Variants in TTN observed in about 807,000 individuals in gnomAD.
The protein encoded by TTN is connectin.
A neutral mutation model predicts 3,223.0 loss-of-function variants in TTN; 1,525 were observed. The ratio of observed to expected loss-of-function variants is 0.47; its 90% CI spans 0.45 to 0.49. TTN has a LOEUF of 0.49. TTN is among the 20% of genes least tolerant of loss of function. TTN has a pLI of 0.00. For synonymous variants in TTN, 14,094 were observed against 15,161.0 expected (o/e 0.93, Z 5.17); for missense variants, 40,786 against 43,424.0 (o/e 0.94, Z 5.40).
chr2:178,734,432 C>T lies in TTN; in HGVS notation c.15392G>A (p.Cys5131Tyr), dbSNP rs757766582. 2.5e-6 allele frequency: 4 copies of T among 1,613,646 alleles called. No homozygotes were observed. The African/African-American group carries it at 4.0e-5, about 16-fold the overall frequency. ...ACTATTAAACGAAAAGATCTCCAGA[C>T]ACACAAGAGACTTCTGAGAAAACAA... is the stretch of plus-strand genomic sequence containing the variant. Reference protein sequence around the residue: ...YRLFSQKSLVCLEIFSFNSAD... With the variant: ...YRLFSQKSLVYLEIFSFNSAD... The change falls in exon 52 of 363, where the codon TGT becomes TAT. Residue 5131 changes from cysteine to tyrosine, a missense_variant. By Grantham distance (194) the Cys-to-Tyr change is radical. Coordinates refer to ENST00000589042, the MANE Select transcript of TTN (RefSeq NM_001267550.2).
rs377531244 is a variant in TTN at position 178,551,105 on chromosome 2, C to T, written c.91426G>A (p.Val30476Ile). Reference sequence around the variant, plus strand: ...GTAACTGTGTACTGACATTCACTGACGTCAGTAAAGTTGCATCTCACCCAG... The same window carrying T: ...GTAACTGTGTACTGACATTCACTGATGTCAGTAAAGTTGCATCTCACCCAG... ...ERWVRCNFTD[V>I]SECQYTVTGL... Residue 30476 changes from valine to isoleucine, a missense_variant, in exon 336 of 363, where the codon GTC (valine) becomes ATC (isoleucine). Transcript: ENST00000589042. The T allele has an allele frequency of 4.7e-5, 76 of 1,613,312 alleles. No homozygotes were observed. Among genetic ancestry groups the T allele is most frequent in the African/African-American group, 3.6e-4 (27 of 74,860 alleles).
rs1041960114 is a variant in TTN at position 178,558,036 on chromosome 2, T to C, written c.87318A>G (p.Glu29106=). The part of the protein sequence containing the change: ...TAENLTINLK[E]SVTADAGRYE... The stretch of plus-strand genomic sequence containing the variant: ...ATCTCCCAGCGTCAGCTGTAACACT[T>C]TCTTTGAGATTGATGGTCAGGTTCT... The change falls in exon 328 of 363, where the codon GAA becomes GAG. Residue 29106 remains glutamate (E), a synonymous_variant. Transcript: ENST00000589042. 6.2e-7 allele frequency: 1 copy of C among 1,613,826 alleles called. No individual in the cohort carries two copies. The highest frequency in any genetic ancestry group is 1.3e-5 in the African/African-American group (1 of 74,926).
intron 356 of TTN, 86 bp downstream of exon 356, chr2:178,536,852 C>G: frequency 7.9e-7 from 1 of 1,271,620 alleles, no homozygotes; most frequent in Non-Finnish European, 1.1e-6. Flanking sequence ...TTGCTATTTC[C>G]TTTCAAAATT....
In TTN at chr2:178,599,534, C is replaced by G; in HGVS notation, c.56347+20G>C. On this transcript the variant is annotated intron_variant, in intron 289 of 362. Coordinates refer to ENST00000589042, the MANE Select transcript of TTN (RefSeq NM_001267550.2). ...TGAACAGAAAAACAAGTAATTTTAA[C>G]CAAACCATGCAGTCTTTACCCAGGA... 6.6e-7 allele frequency: 1 copy of G among 1,525,644 alleles called. No homozygotes were observed. Among genetic ancestry groups the G allele is most frequent in the Non-Finnish European group, 8.8e-7 (1 of 1,139,648 alleles). The allele number at this position is 1,525,644 out of a possible 1,614,324, so 94.5% of individuals were successfully genotyped here. A position where few individuals can be genotyped will look rare whatever the true frequency, so the allele number is the denominator to read the frequency against.
At position 178,647,429 on chromosome 2, in the gene TTN, C is replaced by A; in HGVS notation, c.40093G>T (p.Glu13365Ter). The change falls in exon 214 of 363, where the codon GAA becomes TAA. Residue 13365 changes from glutamate (E) to a stop codon, truncating the protein, a stop_gained. Transcript: ENST00000589042. LOFTEE classifies it high-confidence loss of function. The stretch of plus-strand genomic sequence containing the variant: ...TCTGCAGGGATAGGCACAGACACTT[C>A]CTTTTCTGGGATGATTTTCTCAGGC... ...KVPEKIIPEK[E>*]VSVPIPAEPE... is the part of the protein sequence containing the mutation. 2 of 1,549,696 alleles carry A rather than the reference C, an allele frequency of 1.3e-6. No individual in the cohort carries two copies. Among genetic ancestry groups the A allele is most frequent in the Non-Finnish European group, 1.7e-6 (2 of 1,146,430 alleles).
At chr2:178,734,645 T>C (rs777234576) in intron 51 of TTN, 39 bp from the exon 52 acceptor site, 39 of 1,564,936 alleles carry the variant, frequency 2.5e-5, no homozygotes, top group Non-Finnish European at 3.3e-5. Flanking sequence ...TAATGGGTAA[T>C]AAGTAATTAA....
At position 178,741,899 on chromosome 2, in the gene TTN, A is replaced by G. The variant is rs397517824; in HGVS notation, c.11334T>C (p.Ser3778=). The change falls in exon 48 of 363, where the codon TCT becomes TCC. Residue 3778 remains serine, a synonymous_variant. Coordinates refer to ENST00000589042, the MANE Select transcript of TTN (RefSeq NM_001267550.2). ...CGCTATGAAGTCCTTCTTCCTCGGC[A>G]GACAGAAAAGAACTAGAAAACTCTG... ...EMKEFSSSFL[S]AEEEGLHSAE... is the part of the protein sequence containing the mutation. 5.8e-6 allele frequency: 9 copies of G among 1,551,778 alleles called. No homozygotes were observed. Among genetic ancestry groups the G allele is most frequent in the Non-Finnish European group, 7.0e-6 (8 of 1,147,710 alleles).
chr2:178,531,557 T>C lies in TTN; in HGVS notation c.105058A>G (p.Lys35020Glu), dbSNP rs1689123371. 1 of 1,613,822 alleles carries C rather than the reference T, an allele frequency of 6.2e-7. No individual in the cohort carries two copies. The highest frequency in any genetic ancestry group is 2.2e-5 in the East Asian group (1 of 44,884). Residue 35020 changes from lysine (K) to glutamate (E), a missense_variant, in exon 358 of 363, where the codon AAG becomes GAG. By Grantham distance (56) the Lys-to-Glu change is moderately conservative. Transcript: ENST00000589042. The stretch of plus-strand genomic sequence containing the variant: ...GTTGCATAGTCAGAAGCTTCGCCCT[T>C]GTAGTTGGTGCACACAGCACGGTAG... Reference protein sequence around the residue: ...GTYRAVCTNYKGEASDYATLD... With the variant: ...GTYRAVCTNYEGEASDYATLD...
At chr2:178,683,392 C>G (rs2069959544) in intron 133 of TTN, 101 bp from the exon 134 acceptor site, 1 of 659,030 alleles carries the variant, frequency 1.5e-6, no homozygotes, top group South Asian at 2.3e-5. Context: ...ACAACCATAA[C>G]AGTGCCTGAT....
rs1229192464 is a variant in TTN, at chr2:178,719,309, A to G, written c.24081T>C (p.Ser8027=). 6.2e-7 allele frequency: 1 copy of G among 1,613,786 alleles called. No homozygotes were observed. The highest frequency in any genetic ancestry group is 8.5e-7 in the Non-Finnish European group (1 of 1,179,752). Residue 8027 remains serine, a synonymous_variant, in exon 83 of 363, where the codon AGT becomes AGC. Coordinates refer to ENST00000589042, the MANE Select transcript of TTN (RefSeq NM_001267550.2). ...GWFQDGNEIV[S]GPKCQSSFSE... ...AAAAGCTGGACTGACATTTGGGCCC[A>G]CTAACAATCTCATTTCCATCCTGAA... is the stretch of plus-strand genomic sequence containing the variant.
In TTN at chr2:178,650,266, C is replaced by A. The variant is rs879110681; in HGVS notation, c.39715G>T (p.Glu13239Ter). The change falls in exon 210 of 363, where the codon GAA becomes TAA. Residue 13239 changes from glutamate (E) to a stop codon, truncating the protein, a stop_gained. Transcript: ENST00000589042. LOFTEE classifies it high-confidence loss of function. ...RAESPPPEVY[E>*]EPEEIAPEEE... ...TCAGGAGCAATTTCCTCAGGTTCTT[C>A]ATATACTTTAAAGATATTAGTTAAT... 2 of 1,573,240 alleles carry A rather than the reference C, an allele frequency of 1.3e-6. No homozygotes were observed. Among genetic ancestry groups the A allele is most frequent in the Non-Finnish European group, 1.7e-6 (2 of 1,157,732 alleles).
chr2:178,579,786 C>T lies in TTN; in HGVS notation c.67411G>A (p.Gly22471Ser). The change falls in exon 319 of 363, where the codon GGC (glycine) becomes AGC (serine). Residue 22471 changes from glycine to serine, a missense_variant. Gly to Ser is a moderately conservative substitution (Grantham distance 56). Coordinates refer to ENST00000589042, the MANE Select transcript of TTN (RefSeq NM_001267550.2). ...CCATCACTGTGAGGCTTTTTCCAGC[C>T]AATGCTACAGGATGACTTAGATACA... Reference protein sequence around the residue: ...RSVSKSSCSIGWKKPHSDGGS... With the variant: ...RSVSKSSCSISWKKPHSDGGS... The T allele has an allele frequency of 6.2e-7, 1 of 1,613,236 alleles. No homozygotes were observed. The highest frequency in any genetic ancestry group is 2.2e-5 in the East Asian group (1 of 44,746).
chr2:178,616,515 A>T lies in TTN; in HGVS notation c.48276T>A (p.Val16092=). 6.2e-7 allele frequency: 1 copy of T among 1,612,330 alleles called. No homozygotes were observed. The highest frequency in any genetic ancestry group is 8.5e-7 in the Non-Finnish European group (1 of 1,178,886). Residue 16092 remains valine (V), a synonymous_variant, in exon 257 of 363, where the codon GTT becomes GTA. Coordinates refer to ENST00000589042, the MANE Select transcript of TTN (RefSeq NM_001267550.2). ...DGGSPLTGYV[V]EKREVSRKTW... The stretch of plus-strand genomic sequence containing the variant: ...TTTTCCGGCTGACTTCTCGTTTTTC[A>T]ACAACGTATCCAGTTAACGGACTTC...
chr2:178,798,053 A>G (rs1027347339), intron 6 of TTN, among the ~76,000 whole-genome samples: 6 of 151,616 alleles, frequency 4.0e-5, no homozygotes, highest in Admixed American at 1.3e-4. Flanking sequence ...TTCCCTATAT[A>G]CTTGGATCTA....
chr2:178,625,465 A>G, intron 240 of TTN, 69 bp from the exon 241 acceptor site: 1 of 1,428,996 alleles, frequency 7.0e-7, no homozygotes, highest in Non-Finnish European at 9.1e-7. Flanking sequence ...ATTCATTTAG[A>G]TAAAAATAAA....
rs778672490 is a variant in TTN, at chr2:178,558,610, C to T, written c.86849G>A (p.Gly28950Glu). ...ACTGTCTTTGGATATACTTGTTACT[C>T]CAAGTTTTTCAGGTGGGCTTGGTTT... ...TEKPSPPEKL[G>E]VTSISKDSVS... Residue 28950 changes from glycine to glutamate, a missense_variant, in exon 327 of 363, where the codon GGA (glycine) becomes GAA (glutamate). Coordinates refer to ENST00000589042, the MANE Select transcript of TTN (RefSeq NM_001267550.2). 20 of 1,611,866 alleles carry T rather than the reference C, an allele frequency of 1.2e-5. No homozygotes were observed. The highest frequency in any genetic ancestry group is 1.7e-5 in the Non-Finnish European group (20 of 1,179,456).
chr2:178,576,846 A>AATTT lies in TTN; in HGVS notation c.69413-19_69413-16dup. 2.5e-6 allele frequency: 4 copies of AATTT among 1,601,692 alleles called. No homozygotes were observed. Among genetic ancestry groups the AATTT allele is most frequent in the Non-Finnish European group, 3.4e-6 (4 of 1,176,706 alleles). On this transcript the variant is annotated splice_polypyrimidine_tract_variant and intron_variant, in intron 324 of 362. Transcript: ENST00000589042. The surrounding 1 kb of genome is among the most constrained non-coding windows in gnomAD (Gnocchi z 4.3). Reference sequence around the variant, plus strand: ...GCCAGGGGGACCTGAAAAGGAAGCAAATTTATTAGAAATCCATGATTTCCT... The same window carrying AATTT: ...GCCAGGGGGACCTGAAAAGGAAGCAAATTTATTTATTAGAAATCCATGATTTCCT...
Position 178,667,307 on chromosome 2 carries a change from G to T in TTN, c.35726C>A (p.Thr11909Asn). 2 of 1,601,692 alleles carry T rather than the reference G, an allele frequency of 1.2e-6. No homozygotes were observed. The highest frequency in any genetic ancestry group is 1.7e-6 in the Non-Finnish European group (2 of 1,174,010). ...CTCCACCTCTGGAAAAATGCCTCTG[G>T]TTGTATCAGGTTCTTTAAAGATATT... ...ETPATKEPDT[T>N]RGIFPEVEPP... Residue 11909 changes from threonine to asparagine, a missense_variant, in exon 162 of 363, where the codon ACC becomes AAC. Physicochemically the swap from Thr to Asn is moderately conservative, Grantham distance 65 (BLOSUM62 0). Coordinates refer to ENST00000589042, the MANE Select transcript of TTN (RefSeq NM_001267550.2).
chr2:178,629,496 G>T, intron 239 of TTN, 53 bp from the exon 240 acceptor site: 1 of 1,607,212 alleles, frequency 6.2e-7, no homozygotes, highest in Admixed American at 1.7e-5. Flanking sequence ...AATCCCAAAA[G>T]AATAAATAGA....
Sources: allele counts gnomAD v4.1 joint callset (sites outside exome capture counted in the v4.1 genomes callset), GRCh38; gene constraint gnomAD v4.1.1; non-coding constraint Gnocchi (gnomAD v3.1); transcripts MANE v1.5; gene names NCBI Gene and HGNC (gene_info 2026-07-23, HGNC 2026-07-21).